The following CAMKMT variants were observed in gnomAD, a reference collection of about 807,000 sequenced individuals.
CAMKMT encodes the protein CaM KMT.
In CAMKMT, 53 loss-of-function variants were observed where a neutral mutation model predicts 48.0. The observed-to-expected ratio is 1.10, with a 90% CI of 0.89 to 1.39. The LOEUF is 1.39. Ranked by LOEUF, CAMKMT falls within the 40% of genes most tolerant of loss-of-function variation. The pLI is 0.00. For synonymous variants in CAMKMT, 165 were observed against 152.3 expected, an observed-to-expected ratio of 1.08 and a Z score of -0.61; for missense variants, 428 against 402.7, an observed-to-expected ratio of 1.06 and a Z score of -0.54.
intron 3 of CAMKMT, chr2:44,631,393 A>G (rs1672817112): frequency 1.0e-5 from 4 of 397,632 alleles, no homozygotes; most frequent in East Asian, 9.3e-5. Context: ...AACTTAAAGT[A>G]TAATAATAAT....
At chr2:44,620,022 G>C (rs1158199226) in intron 3 of CAMKMT, among the ~76,000 whole-genome samples, 1 of 151,990 alleles carries the variant, frequency 6.6e-6, no homozygotes, top group African/African-American at 2.4e-5. Flanking sequence ...TTATTTTGAA[G>C]CAAACCCAAG....
intron 3 of CAMKMT, among the ~76,000 whole-genome samples, chr2:44,569,446 A>G (rs565832461): frequency 6.6e-6 from 1 of 152,296 alleles, no homozygotes; most frequent in South Asian, 2.1e-4. Flanking sequence ...TATTTTAAAA[A>G]TGAGTTTTTG....
At chr2:44,445,810 C>A (rs867508973) in intron 3 of CAMKMT, among the ~76,000 whole-genome samples, 1 of 151,636 alleles carries the variant, frequency 6.6e-6, no homozygotes, top group South Asian at 2.1e-4. Flanking sequence ...TTCTAATAAC[C>A]CAGTTTGTCT....
chr2:44,542,376 T>C (rs1667162503), intron 3 of CAMKMT, among the ~76,000 whole-genome samples: 1 of 151,974 alleles, frequency 6.6e-6, no homozygotes, highest in South Asian at 2.1e-4. Flanking sequence ...CTGAGATATT[T>C]CCATGCATAA....
At chr2:44,504,229 A>T (rs138005023) in intron 3 of CAMKMT, among the ~76,000 whole-genome samples, 1 of 152,170 alleles carries the variant, frequency 6.6e-6, no homozygotes, top group Non-Finnish European at 1.5e-5. Flanking sequence ...TGTTATGGTG[A>T]GTCCCACCCT....
intron 3 of CAMKMT, among the ~76,000 whole-genome samples, chr2:44,646,704 T>A (rs925689163): frequency 2.6e-5 from 4 of 152,198 alleles, no homozygotes; most frequent in Non-Finnish European, 5.9e-5. Context: ...TTACATTGAT[T>A]ATAATTTGGA....
At chr2:44,510,004 A>T (rs1179919522) in intron 3 of CAMKMT, among the ~76,000 whole-genome samples, 1 of 152,192 alleles carries the variant, frequency 6.6e-6, no homozygotes, top group Non-Finnish European at 1.5e-5. Flanking sequence ...ATGGACTATG[A>T]CAGTTCTCAA....
At chr2:44,520,414 GC>G (rs1671046502) in intron 3 of CAMKMT, among the ~76,000 whole-genome samples, 1 of 152,006 alleles carries the variant, frequency 6.6e-6, no homozygotes, top group Non-Finnish European at 1.5e-5. Flanking sequence ...ACTGCATCCA[GC>G]CCTCAAAGCA....
intron 3 of CAMKMT, among the ~76,000 whole-genome samples, chr2:44,584,779 G>T (rs1328900515): frequency 6.6e-6 from 1 of 152,136 alleles, no homozygotes; most frequent in African/African-American, 2.4e-5. Context: ...AGTAGGCCGG[G>T]TGCGGTGGCT....
chr2:44,507,893 C>T (rs916804542), intron 3 of CAMKMT, among the ~76,000 whole-genome samples: 1 of 152,196 alleles, frequency 6.6e-6, no homozygotes, highest in Non-Finnish European at 1.5e-5. Flanking sequence ...AGAAACTTAC[C>T]TCGGCACAAA....
chr2:44,367,274 C>T (rs1381032246), intron 1 of CAMKMT, among the ~76,000 whole-genome samples: 1 of 151,884 alleles, frequency 6.6e-6, no homozygotes, highest in Non-Finnish European at 1.5e-5. Context: ...GTTAAGTATC[C>T]CTAATACAAA....
chr2:44,368,674 G>T (rs1258136597), intron 1 of CAMKMT, among the ~76,000 whole-genome samples: 2 of 152,130 alleles, frequency 1.3e-5, no homozygotes, highest in Non-Finnish European at 2.9e-5. Flanking sequence ...CCATTACCTT[G>T]ACATCAGAGT....
chr2:44,406,044 C>G (rs1390697806), intron 3 of CAMKMT, among the ~76,000 whole-genome samples: 3 of 152,074 alleles, frequency 2.0e-5, no homozygotes, highest in African/African-American at 2.4e-5. Flanking sequence ...CCAAGGGTAT[C>G]TAGTTATATC....
chr2:44,711,815 A>G (rs1452901887), intron 6 of CAMKMT, among the ~76,000 whole-genome samples: 1 of 152,182 alleles, frequency 6.6e-6, no homozygotes, highest in Non-Finnish European at 1.5e-5. Context: ...ACAAATAGGT[A>G]TCATTACTTC....
chr2:44,663,283 A>T (rs1344066207), intron 3 of CAMKMT, among the ~76,000 whole-genome samples: 1 of 152,176 alleles, frequency 6.6e-6, no homozygotes, highest in Non-Finnish European at 1.5e-5. Context: ...ATACCTGCTA[A>T]TTTCTCCACC....
intron 3 of CAMKMT, among the ~76,000 whole-genome samples, chr2:44,590,304 G>A (rs1572869928): frequency 6.6e-6 from 1 of 152,096 alleles, no homozygotes; most frequent in Admixed American, 6.5e-5. Context: ...TTCCTTTTCA[G>A]TTTTCTCAAA....
At chr2:44,617,361 C>A (rs567610875) in intron 3 of CAMKMT, among the ~76,000 whole-genome samples, 3 of 152,242 alleles carry the variant, frequency 2.0e-5, no homozygotes, top group East Asian at 3.9e-4. Flanking sequence ...GAATTGCCAA[C>A]AAAATGCATC....
At chr2:44,386,418 C>T (rs1680784182) in intron 2 of CAMKMT, among the ~76,000 whole-genome samples, 1 of 152,046 alleles carries the variant, frequency 6.6e-6, no homozygotes, top group African/African-American at 2.4e-5. Context: ...CTTGGTTAAT[C>T]TTGCTAATGG....
At chr2:44,489,764 G>A (rs564729830) in intron 3 of CAMKMT, among the ~76,000 whole-genome samples, 4 of 151,954 alleles carry the variant, frequency 2.6e-5, no homozygotes, top group Non-Finnish European at 5.9e-5. Flanking sequence ...ATTGTAAAAA[G>A]AACAAGAAAA....
Sources: allele counts gnomAD v4.1 joint callset (sites outside exome capture counted in the v4.1 genomes callset), GRCh38; gene constraint gnomAD v4.1.1; transcripts MANE v1.5; gene names NCBI Gene and HGNC (gene_info 2026-07-23, HGNC 2026-07-21).